CPXCR1: variants seen among roughly 807,000 people sequenced by gnomAD.
CPXCR1 encodes the protein CPX chromosome region candidate 1.
Under a neutral mutation model 13.8 loss-of-function variants are expected in CPXCR1, and 15 were observed. The ratio of observed to expected loss-of-function variants is 1.09; its 90% confidence interval spans 0.73 to 1.67. The LOEUF is 1.67. CPXCR1 is among the 40% of genes most tolerant of loss of function. The pLI is 0.00. For synonymous variants in CPXCR1, 70 were observed against 76.7 expected (o/e 0.91, Z 0.46); for missense variants, 247 against 223.6 (o/e 1.10, Z -0.67).
Position 88,753,932 on chromosome X carries a change from T to C in CPXCR1, c.518T>C (p.Val173Ala). 1.7e-6 allele frequency: 2 copies of C among 1,210,741 alleles called. No homozygotes were observed. The highest frequency in any genetic ancestry group is 1.1e-6 in the Non-Finnish European group (1 of 894,955). Residue 173 changes from valine (V) to alanine (A), a missense_variant, in exon 3 of 3, where the codon GTA becomes GCA. By Grantham distance (64) the Val-to-Ala change is moderately conservative. Coordinates refer to ENST00000276127, the MANE Select transcript of CPXCR1 (RefSeq NM_033048.6). The part of the protein sequence containing the change: ...QAAGCQNTMW[V>A]KRKYIACLYH... Reference sequence around the variant, plus strand: ...GCAGGGTGTCAGAATACCATGTGGGTAAAGCGAAAATATATAGCATGTCTT... The same window carrying C: ...GCAGGGTGTCAGAATACCATGTGGGCAAAGCGAAAATATATAGCATGTCTT...
At chrX:88,752,472 G>A (rs1198729359) in intron 2 of CPXCR1, among the ~76,000 whole-genome samples, 3 of 110,784 alleles carry the variant, frequency 2.7e-5, no homozygotes, top group African/African-American at 9.8e-5. Context: ...CCCTTCTCAC[G>A]ATTCACAATT....
At chrX:88,748,385 G>T (rs1924829651) in intron 1 of CPXCR1, among the ~76,000 whole-genome samples, 1 of 106,974 alleles carries the variant, frequency 9.3e-6, no homozygotes, top group Admixed American at 1.0e-4. Context: ...CTATGTAAGT[G>T]AAGTATAGAA....
At chrX:88,750,428 T>G (rs997389767) in intron 2 of CPXCR1, among the ~76,000 whole-genome samples, 2 of 111,751 alleles carry the variant, frequency 1.8e-5, no homozygotes, top group Non-Finnish European at 3.8e-5. Flanking sequence ...GAAGCTGACT[T>G]GATCATGGTG....
chrX:88,748,256 T>A (rs763966304), intron 1 of CPXCR1, among the ~76,000 whole-genome samples: 12 of 110,485 alleles, frequency 1.1e-4, no homozygotes, highest in African/African-American at 3.6e-4. Flanking sequence ...AAATGTTGTG[T>A]GTGTGTGTGT....
rs770627789 is a variant in CPXCR1, at chrX:88,754,225, A to C, written c.811A>C (p.Asn271His). The C allele has an allele frequency of 8.4e-7, 1 of 1,189,365 alleles. No individual in the cohort carries two copies. Among genetic ancestry groups the C allele is most frequent in the Non-Finnish European group, 1.1e-6 (1 of 877,562 alleles). Residue 271 changes from asparagine to histidine, a missense_variant, in exon 3 of 3, where the codon AAT becomes CAT. Transcript: ENST00000276127. Reference protein sequence around the residue: ...HTMNVMITNTNNGWKYFCPIC... With the variant: ...HTMNVMITNTHNGWKYFCPIC... Reference sequence around the variant, plus strand: ...CATGAATGTTATGATCACAAACACCAATAATGGTTGGAAATACTTTTGTCC... The same window carrying C: ...CATGAATGTTATGATCACAAACACCCATAATGGTTGGAAATACTTTTGTCC...
At chrX:88,747,929 A>G (rs188738967) in intron 1 of CPXCR1, among the ~76,000 whole-genome samples, 6 of 112,405 alleles carry the variant, frequency 5.3e-5, no homozygotes, top group African/African-American at 1.3e-4. Flanking sequence ...CAAATAAACT[A>G]CTTTCAATAT....
Position 88,753,805 on chromosome X carries a change from C to T in CPXCR1, c.391C>T (p.Arg131Cys), listed in dbSNP as rs1924996144. The T allele has an allele frequency of 5.0e-6, 6 of 1,207,470 alleles. No homozygotes were observed. Among genetic ancestry groups the T allele is most frequent in the Non-Finnish European group, 3.4e-6 (3 of 893,872 alleles). ...ANNFPINHKT[R>C]FRLSTSWRVP... is the part of the protein sequence containing the mutation. ...CAATTTCCCCATAAATCACAAAACT[C>T]GTTTTCGACTTTCAACTTCATGGAG... Residue 131 changes from arginine (R) to cysteine (C), a missense_variant, in exon 3 of 3, where the codon CGT becomes TGT. By Grantham distance (180) the Arg-to-Cys change is radical. Coordinates refer to ENST00000276127, the MANE Select transcript of CPXCR1 (RefSeq NM_033048.6).
Position 88,754,375 on chromosome X carries a change from C to T in CPXCR1, c.*55C>T, listed in dbSNP as rs1303463675. On this transcript the variant is annotated 3_prime_UTR_variant, in exon 3 of 3. Transcript: ENST00000276127. ...ATAACTTCTAAAATTCATAATTTGA[C>T]TACTAAAGTAAGACAAAATTGCATG... The T allele has an allele frequency of 1.2e-6, 1 of 843,757 alleles. No homozygotes were observed. The highest frequency in any genetic ancestry group is 1.6e-6 in the Non-Finnish European group (1 of 610,869). The allele number at this position is 843,757 out of a possible 1,213,427, so 69.5% of individuals were successfully genotyped here. A position where few individuals can be genotyped will look rare whatever the true frequency, so the allele number is the denominator to read the frequency against.
intron 2 of CPXCR1, among the ~76,000 whole-genome samples, chrX:88,752,272 G>T (rs1337355228): frequency 9.0e-6 from 1 of 111,382 alleles, no homozygotes; most frequent in Non-Finnish European, 1.9e-5. Flanking sequence ...AGAGTGGTGA[G>T]TGTAGAGTTT....
At chrX:88,748,301 A>C (rs897491035) in intron 1 of CPXCR1, among the ~76,000 whole-genome samples, 1 of 106,418 alleles carries the variant, frequency 9.4e-6, no homozygotes, top group South Asian at 3.9e-4. Context: ...GTTTATTTTT[A>C]ATATATATTA....
chrX:88,753,891 A>T lies in CPXCR1; in HGVS notation c.477A>T (p.Arg159Ser), dbSNP rs761103846. The change falls in exon 3 of 3, where the codon AGA becomes AGT. Residue 159 changes from arginine to serine, a missense_variant. By Grantham distance (110) the Arg-to-Ser change is moderately radical. Coordinates refer to ENST00000276127, the MANE Select transcript of CPXCR1 (RefSeq NM_033048.6). Reference sequence around the variant, plus strand: ...TGATTCTCCATCTGCTATGTGATAGATATTTCTCTCAGGCTGCAGGGTGTC... The same window carrying T: ...TGATTCTCCATCTGCTATGTGATAGTTATTTCTCTCAGGCTGCAGGGTGTC... ...RSMILHLLCD[R>S]YFSQAAGCQN... is the part of the protein sequence containing the mutation. The T allele has an allele frequency of 4.1e-6, 5 of 1,210,349 alleles. No individual in the cohort carries two copies. In the South Asian group the frequency reaches 8.8e-5, roughly 21 times the overall value.
intron 1 of CPXCR1, among the ~76,000 whole-genome samples, chrX:88,748,910 A>C (rs1172467452): frequency 9.4e-6 from 1 of 106,648 alleles, no homozygotes; most frequent in Non-Finnish European, 1.9e-5. Context: ...CTACCCTTTT[A>C]GCAATTTTCT....
At chrX:88,748,606 G>A (rs910490264) in intron 1 of CPXCR1, among the ~76,000 whole-genome samples, 5 of 110,636 alleles carry the variant, frequency 4.5e-5, no homozygotes, top group African/African-American at 1.3e-4. Flanking sequence ...TCCAGGGAAC[G>A]TTTAATTTTT....
intron 2 of CPXCR1, among the ~76,000 whole-genome samples, chrX:88,751,600 T>C (rs1924919456): frequency 9.0e-6 from 1 of 111,650 alleles, no homozygotes; most frequent in African/African-American, 3.3e-5. Flanking sequence ...TGAGTTCAAG[T>C]CCTGAATATC....
chrX:88,753,460 C>T lies in CPXCR1; in HGVS notation c.46C>T (p.His16Tyr). ...AGGAAGTGATACAGCTGGAAATGCT[C>T]ACAAAAATTCTGAAAATGAGCCTCC... ...KEGSDTAGNA[H>Y]KNSENEPPND... Residue 16 changes from histidine (H) to tyrosine (Y), a missense_variant, in exon 3 of 3, where the codon CAC (histidine) becomes TAC (tyrosine). Transcript: ENST00000276127. 8.6e-7 allele frequency: 1 copy of T among 1,159,655 alleles called. No individual in the cohort carries two copies. Among genetic ancestry groups the T allele is most frequent in the East Asian group, 3.0e-5 (1 of 33,076 alleles).
chrX:88,748,190 A>T (rs1451340412), intron 1 of CPXCR1, among the ~76,000 whole-genome samples: 3 of 110,960 alleles, frequency 2.7e-5, no homozygotes, highest in African/African-American at 9.8e-5. Flanking sequence ...AGGCATATAC[A>T]TCTACATTTA....
Position 88,754,329 on chromosome X carries a change from G to T in CPXCR1, c.*9G>T. The stretch of plus-strand genomic sequence containing the variant: ...GCTCTTCTGGGAATTAAATTAAATT[G>T]GGGTAAATTCATTTTAAAATATAAC... On this transcript the variant is annotated 3_prime_UTR_variant, in exon 3 of 3. Transcript: ENST00000276127. The T allele has an allele frequency of 9.8e-7, 1 of 1,020,845 alleles. No homozygotes were observed. Among genetic ancestry groups the T allele is most frequent in the Non-Finnish European group, 1.3e-6 (1 of 765,312 alleles). 84.1% of individuals were successfully genotyped at this position (1,020,845 alleles called of 1,213,427 possible).
chrX:88,751,255 T>C (rs1225459653), intron 2 of CPXCR1, among the ~76,000 whole-genome samples: 1 of 111,902 alleles, frequency 8.9e-6, no homozygotes, highest in Non-Finnish European at 1.9e-5. Flanking sequence ...GTCCCAGAGA[T>C]TCTGGTTTGT....
chrX:88,752,985 C>A (rs1167356079), intron 2 of CPXCR1, among the ~76,000 whole-genome samples: 4 of 111,548 alleles, frequency 3.6e-5, no homozygotes, highest in Admixed American at 9.6e-5. Flanking sequence ...ACTCATAATA[C>A]CTTCCTCCTA....
Sources: allele counts gnomAD v4.1 joint callset (sites outside exome capture counted in the v4.1 genomes callset), GRCh38; gene constraint gnomAD v4.1.1; transcripts MANE v1.5; gene names NCBI Gene and HGNC (gene_info 2026-07-23, HGNC 2026-07-21).